Variants in HIVEP3 observed in about 807,000 individuals in gnomAD.
The protein encoded by HIVEP3 is transcription factor HIVEP3.
In HIVEP3, 49 loss-of-function variants were observed where a neutral mutation model predicts 152.8. The observed-to-expected ratio is 0.32, with a 90% CI of 0.26 to 0.41. The LOEUF (loss-of-function observed/expected upper bound fraction) is 0.41. HIVEP3 is among the 10% of genes least tolerant of loss of function. The pLI, the probability that HIVEP3 is intolerant of heterozygous loss-of-function variation, is 1.00. For missense variants in HIVEP3, 2,790 were observed against 3,103.3 expected (o/e 0.90, Z 2.40); for synonymous variants, 1,269 against 1,289.0 (o/e 0.98, Z 0.33).
At chr1:41,818,793 C>T (rs939806484) in intron 1 of HIVEP3, among the ~76,000 whole-genome samples, 1 of 152,208 alleles carries the variant, frequency 6.6e-6, no homozygotes, top group African/African-American at 2.4e-5. Flanking sequence ...TTGTGCATTC[C>T]AACCTCTGCC....
chr1:41,720,263 C>T (rs1646656045), intron 1 of HIVEP3, among the ~76,000 whole-genome samples: 1 of 152,168 alleles, frequency 6.6e-6, no homozygotes, highest in Admixed American at 6.5e-5. Flanking sequence ...TGCTCCCAGG[C>T]CCCAGACTGC....
chr1:41,593,835 G>T (rs1432020417), intron 3 of HIVEP3, among the ~76,000 whole-genome samples: 1 of 152,220 alleles, frequency 6.6e-6, no homozygotes, highest in Admixed American at 6.5e-5. Context: ...TCGGCTAAAA[G>T]CAAGGTGTCA....
intron 1 of HIVEP3, among the ~76,000 whole-genome samples, chr1:41,911,587 GA>G (rs1249249995): frequency 1.3e-5 from 2 of 151,542 alleles, no homozygotes; most frequent in East Asian, 1.9e-4. Flanking sequence ...CAGGGAACTT[GA>G]AAAAAAATGT....
intron 2 of HIVEP3, among the ~76,000 whole-genome samples, chr1:41,699,313 G>C (rs1266143014): frequency 6.6e-6 from 1 of 152,232 alleles, no homozygotes; most frequent in African/African-American, 2.4e-5. Context: ...CAGGGTTGGA[G>C]CAAGGCTCTC....
chr1:41,814,795 T>G (rs1016349807), intron 1 of HIVEP3, among the ~76,000 whole-genome samples: 1 of 152,248 alleles, frequency 6.6e-6, no homozygotes, highest in Non-Finnish European at 1.5e-5. Context: ...TTCCCCATTT[T>G]AAAATGGAGA....
At chr1:41,711,936 G>A (rs775715427) in intron 1 of HIVEP3, among the ~76,000 whole-genome samples, 3 of 152,230 alleles carry the variant, frequency 2.0e-5, no homozygotes, top group Non-Finnish European at 4.4e-5. Context: ...GACATGCATT[G>A]GGGTGGCAAA....
In HIVEP3 at chr1:41,755,437, G is replaced by GA. The variant is rs990779571; in HGVS notation, c.-800-54443dup. ...GATATCAAAAGCACAATCCATAAAA[G>GA]AAAAAAAATCCACAAAATTGAATTT... On this transcript the variant is annotated intron_variant, in intron 1 of 8. Coordinates refer to ENST00000372583, the MANE Select transcript of HIVEP3 (RefSeq NM_024503.5). Among the ~76,000 whole-genome samples the GA allele has an allele frequency of 4.0e-5, 6 of 151,436 alleles. No homozygotes were observed. In the East Asian group the frequency reaches 9.6e-4, roughly 24 times the overall value.
At position 41,873,034 on chromosome 1, in the gene HIVEP3, AG is replaced by A. The variant is rs1644109616; in HGVS notation, c.-801+45378del. On this transcript the variant is annotated intron_variant, in intron 1 of 8. Coordinates refer to ENST00000372583, the MANE Select transcript of HIVEP3 (RefSeq NM_024503.5). The surrounding 1 kb of genome is among the most constrained non-coding windows in gnomAD (Gnocchi z 4.2). ...ATTAAAGGACTTACTGGATTTTATA[AG>A]GAAAAGAGGAAACGAGACGAAAGAA... is the stretch of plus-strand genomic sequence containing the variant. Among the ~76,000 whole-genome samples, 1 of 152,234 alleles carries A rather than the reference AG, an allele frequency of 6.6e-6. No individual in the cohort carries two copies. Among genetic ancestry groups the A allele is most frequent in the African/African-American group, 2.4e-5 (1 of 41,440 alleles).
intron 1 of HIVEP3, among the ~76,000 whole-genome samples, chr1:41,957,718 T>C (rs1338597607): frequency 6.6e-6 from 1 of 152,194 alleles, no homozygotes; most frequent in African/African-American, 2.4e-5. Context: ...AAGGATAAGA[T>C]GAATACCTAA....
intron 1 of HIVEP3, among the ~76,000 whole-genome samples, chr1:41,769,796 T>C (rs767083930): frequency 1.3e-5 from 2 of 152,118 alleles, no homozygotes; most frequent in Non-Finnish European, 2.9e-5. Flanking sequence ...AAATAATGTA[T>C]TGAATAAATA....
intron 5 of HIVEP3, among the ~76,000 whole-genome samples, chr1:41,547,811 T>A (rs1643840134): frequency 6.6e-6 from 1 of 152,118 alleles, no homozygotes; most frequent in South Asian, 2.1e-4. Flanking sequence ...TTCCATTTGA[T>A]GGAAAAGAAG....
intron 1 of HIVEP3, among the ~76,000 whole-genome samples, chr1:41,781,374 T>C (rs1649031907): frequency 6.6e-6 from 1 of 152,218 alleles, no homozygotes; most frequent in African/African-American, 2.4e-5. Context: ...CTTAATGATC[T>C]CCTTACCCAG....
At chr1:41,766,038 G>A (rs1186814307) in intron 1 of HIVEP3, among the ~76,000 whole-genome samples, 1 of 152,222 alleles carries the variant, frequency 6.6e-6, no homozygotes, top group East Asian at 1.9e-4. Context: ...GGCCGCTGCT[G>A]CAGAGGGCCA....
chr1:41,785,475 G>A (rs928861567), intron 1 of HIVEP3, among the ~76,000 whole-genome samples: 4 of 152,144 alleles, frequency 2.6e-5, no homozygotes, highest in Admixed American at 1.3e-4. Flanking sequence ...TTAACATAAC[G>A]AAAAAACTAG....
intron 1 of HIVEP3, among the ~76,000 whole-genome samples, chr1:41,860,292 C>T (rs1467994047): frequency 2.6e-5 from 4 of 152,142 alleles, no homozygotes; most frequent in Non-Finnish European, 4.4e-5. Flanking sequence ...GGAAAACCTT[C>T]GTGGTCATAG....
chr1:41,939,851 C>T (rs1308755870), intron 1 of HIVEP3, among the ~76,000 whole-genome samples: 2 of 151,976 alleles, frequency 1.3e-5, no homozygotes, highest in Non-Finnish European at 2.9e-5. Context: ...AAATATATGT[C>T]TTCCCTCTCC....
At chr1:41,775,214 T>A (rs1648618738) in intron 1 of HIVEP3, among the ~76,000 whole-genome samples, 1 of 152,210 alleles carries the variant, frequency 6.6e-6, no homozygotes, top group Non-Finnish European at 1.5e-5. Flanking sequence ...CCTCCATCCA[T>A]TCGTCCATCA....
Position 41,581,066 on chromosome 1 carries a change from G to A in HIVEP3, c.3732C>T (p.Ser1244=). The part of the protein sequence containing the change: ...LSSGFFLPLQ[S]QFALQLPGDV... ...CACCAGGGAGCTGAAGTGCAAACTG[G>A]GATTGCAGAGGCAGGAAAAACCCAG... The change falls in exon 4 of 9, where the codon TCC becomes TCT. Residue 1244 remains serine (S), a synonymous_variant. Coordinates refer to ENST00000372583, the MANE Select transcript of HIVEP3 (RefSeq NM_024503.5). The surrounding 1 kb of genome is among the most constrained non-coding windows in gnomAD (Gnocchi z 4.5). 1 of 1,557,742 alleles carries A rather than the reference G, an allele frequency of 6.4e-7. No individual in the cohort carries two copies.
chr1:41,707,961 G>A (rs1025709466), intron 1 of HIVEP3, among the ~76,000 whole-genome samples: 1 of 152,218 alleles, frequency 6.6e-6, no homozygotes, highest in African/African-American at 2.4e-5. Flanking sequence ...ATTCATGTGG[G>A]CTTGAAGAAA....
Sources: gnomAD v4.1 joint callset for allele counts (sites outside exome capture counted in the v4.1 genomes callset) on GRCh38, gnomAD v4.1.1 for gene constraint, Gnocchi (gnomAD v3.1) non-coding constraint, MANE v1.5 for transcripts, NCBI Gene and HGNC (gene_info 2026-07-23, HGNC 2026-07-21) for gene names.